GADL1: variants seen among roughly 807,000 people sequenced by gnomAD.
The protein encoded by GADL1 is acidic amino acid decarboxylase GADL1.
In GADL1, 71 loss-of-function variants were observed where a neutral mutation model predicts 69.5. The ratio of observed to expected loss-of-function variants is 1.02; its 90% CI spans 0.84 to 1.25. The LOEUF is 1.25. Ranked by LOEUF, GADL1 falls within the 50% of genes most tolerant of loss-of-function variation. The pLI is 0.00. For missense variants in GADL1, 737 were observed against 631.8 expected (o/e 1.17, Z -1.79); for synonymous variants, 254 against 214.4 (o/e 1.18, Z -1.62).
At chr3:30,842,836 A>AT (rs1697990564) in intron 8 of GADL1, among the ~76,000 whole-genome samples, 1 of 150,142 alleles carries the variant, frequency 6.7e-6, no homozygotes, top group African/African-American at 2.5e-5. Flanking sequence ...AAAAAAAAAA[A>AT]AAAAAAAGTA....
chr3:30,810,369 A>G (rs1278362924), intron 11 of GADL1, among the ~76,000 whole-genome samples: 2 of 152,196 alleles, frequency 1.3e-5, no homozygotes, highest in East Asian at 3.9e-4. Flanking sequence ...ACTATGAAAG[A>G]AAAGTTACAT....
At chr3:30,759,311 C>T (rs1696064058) in intron 14 of GADL1, among the ~76,000 whole-genome samples, 4 of 152,142 alleles carry the variant, frequency 2.6e-5, no homozygotes, top group Admixed American at 2.6e-4. Flanking sequence ...ATTCTACTCC[C>T]TGCACTTGAT....
intron 13 of GADL1, among the ~76,000 whole-genome samples, chr3:30,785,684 C>G (rs1696773253): frequency 6.6e-6 from 1 of 152,112 alleles, no homozygotes. Flanking sequence ...AGCTACATTT[C>G]TTATGTATAG....
At chr3:30,832,466 A>G (rs370757402) in intron 11 of GADL1, among the ~76,000 whole-genome samples, 5 of 152,022 alleles carry the variant, frequency 3.3e-5, no homozygotes, top group African/African-American at 1.2e-4. Flanking sequence ...AAGTATATGA[A>G]AGCTAGAAAG....
At chr3:30,827,833 A>G (rs1018722340) in intron 11 of GADL1, among the ~76,000 whole-genome samples, 6 of 151,968 alleles carry the variant, frequency 3.9e-5, no homozygotes, top group Admixed American at 6.6e-5. Flanking sequence ...TCAAGCAAGA[A>G]CAGCCCAGAC....
At chr3:30,802,215 G>T (rs978121306) in intron 11 of GADL1, among the ~76,000 whole-genome samples, 3 of 152,056 alleles carry the variant, frequency 2.0e-5, no homozygotes, top group African/African-American at 7.2e-5. Flanking sequence ...TGTGCTTTCC[G>T]CATGCAATGA....
intron 1 of GADL1, among the ~76,000 whole-genome samples, chr3:30,879,438 C>T (rs1698615363): frequency 6.6e-6 from 1 of 151,878 alleles, no homozygotes. Flanking sequence ...TTGAAGAGAT[C>T]AATACAGGCT....
At chr3:30,811,800 G>T (rs993437787) in intron 11 of GADL1, among the ~76,000 whole-genome samples, 1 of 151,826 alleles carries the variant, frequency 6.6e-6, no homozygotes, top group Non-Finnish European at 1.5e-5. Context: ...GAATCATATG[G>T]TTTTTTTTCC....
intron 14 of GADL1, among the ~76,000 whole-genome samples, chr3:30,733,968 GAGA>G (rs1226314017): frequency 6.6e-6 from 1 of 152,148 alleles, no homozygotes; most frequent in African/African-American, 2.4e-5. Flanking sequence ...CTGTACTCAG[GAGA>G]AATTAGCCAC....
rs1695368099 is a variant in GADL1, at chr3:30,726,481, A to C, written c.*1761T>G. 2 of 149,204 alleles carry C rather than the reference A, an allele frequency of 1.3e-5. No individual in the cohort carries two copies. Among genetic ancestry groups the C allele is most frequent in the Non-Finnish European group, 2.9e-5 (2 of 67,980 alleles). 9.2% of individuals were successfully genotyped at this position (149,204 alleles called of 1,614,324 possible). A position where few individuals can be genotyped will look rare whatever the true frequency, so the allele number is the denominator to read the frequency against. On this transcript the variant is annotated 3_prime_UTR_variant, in exon 15 of 15. Coordinates refer to ENST00000282538, the MANE Select transcript of GADL1 (RefSeq NM_207359.3). ...ACAAAAAGGCAACAAGAAATGCAAA[A>C]TAAACACACACACACACACACACAC...
chr3:30,792,828 C>T (rs1257674118), intron 12 of GADL1, among the ~76,000 whole-genome samples: 3 of 152,098 alleles, frequency 2.0e-5, no homozygotes, highest in Admixed American at 1.3e-4. Context: ...CCCCAGAAGT[C>T]TTCACAGTAT....
chr3:30,868,777 A>C (rs1276424427), intron 1 of GADL1, among the ~76,000 whole-genome samples: 3 of 151,950 alleles, frequency 2.0e-5, no homozygotes, highest in African/African-American at 4.8e-5. Flanking sequence ...TTTCCCATCC[A>C]AGTCTCTTTA....
At chr3:30,816,444 C>G (rs138351211) in intron 11 of GADL1, among the ~76,000 whole-genome samples, 1 of 150,900 alleles carries the variant, frequency 6.6e-6, no homozygotes, top group Non-Finnish European at 1.5e-5. Flanking sequence ...CCCAGCACAT[C>G]GTTCCCTAGC....
At chr3:30,810,593 C>T (rs9878903) in intron 11 of GADL1, among the ~76,000 whole-genome samples, 22,574 of 151,980 alleles carry the variant, frequency 0.15, 1,785 homozygotes, top group Middle Eastern at 0.2. Context: ...GTGTATATTG[C>T]TTTACGTAAT....
chr3:30,835,007 C>T (rs1293496213), intron 9 of GADL1, among the ~76,000 whole-genome samples: 1 of 152,086 alleles, frequency 6.6e-6, no homozygotes, highest in East Asian at 1.9e-4. Flanking sequence ...TAAAGGATAA[C>T]TGTATTGAGA....
intron 14 of GADL1, among the ~76,000 whole-genome samples, chr3:30,760,823 T>C (rs900570915): frequency 1.2e-4 from 18 of 152,186 alleles, no homozygotes; most frequent in African/African-American, 4.3e-4. Context: ...AGGGTGATGA[T>C]GGGCAGCCTG....
intron 11 of GADL1, among the ~76,000 whole-genome samples, chr3:30,817,231 T>TA (rs1697492095): frequency 6.6e-6 from 1 of 152,182 alleles, no homozygotes; most frequent in African/African-American, 2.4e-5. Flanking sequence ...TCTAAAGCTG[T>TA]AGAGGCATTG....
chr3:30,744,513 C>T (rs1273038633), intron 14 of GADL1, among the ~76,000 whole-genome samples: 2 of 152,062 alleles, frequency 1.3e-5, no homozygotes, highest in Non-Finnish European at 2.9e-5. Context: ...GAGTTCAAGA[C>T]CAGCCTGGGC....
chr3:30,828,135 C>T (rs1697714488), intron 11 of GADL1, among the ~76,000 whole-genome samples: 1 of 151,840 alleles, frequency 6.6e-6, no homozygotes, highest in South Asian at 2.1e-4. Context: ...AAGAAATCCC[C>T]ACAAAAGCAG....
Sources: gnomAD v4.1 joint callset for allele counts (sites outside exome capture counted in the v4.1 genomes callset) on GRCh38, gnomAD v4.1.1 for gene constraint, MANE v1.5 for transcripts, NCBI Gene and HGNC (gene_info 2026-07-23, HGNC 2026-07-21) for gene names.